CCDC192: variants seen among roughly 807,000 people sequenced by gnomAD.
The protein encoded by CCDC192 is coiled-coil domain-containing protein 192.
intron 6 of CCDC192, among the ~76,000 whole-genome samples, chr5:127,893,263 C>T (rs1752782597): frequency 6.6e-6 from 1 of 152,180 alleles, no homozygotes; most frequent in Non-Finnish European, 1.5e-5. Context: ...GATCCCAGCT[C>T]AGTCACTCAG....
chr5:127,793,765 A>G (rs1424528073), intron 3 of CCDC192, among the ~76,000 whole-genome samples: 1 of 152,216 alleles, frequency 6.6e-6, no homozygotes, highest in Non-Finnish European at 1.5e-5. Flanking sequence ...TACCAAATAT[A>G]TGTTAGTTTC....
chr5:127,917,978 A>G (rs1459074637), intron 6 of CCDC192, among the ~76,000 whole-genome samples: 1 of 152,024 alleles, frequency 6.6e-6, no homozygotes, highest in Admixed American at 6.6e-5. Flanking sequence ...CGTCTCTACA[A>G]AATAAAATTA....
intron 5 of CCDC192, among the ~76,000 whole-genome samples, chr5:127,830,795 C>A (rs1214568347): frequency 6.6e-6 from 1 of 151,010 alleles, no homozygotes; most frequent in Non-Finnish European, 1.5e-5. Context: ...TTTCCTTCTA[C>A]CCCTGTGACT....
chr5:127,812,667 G>A (rs1425631077), intron 5 of CCDC192, among the ~76,000 whole-genome samples: 1 of 152,172 alleles, frequency 6.6e-6, no homozygotes, highest in Non-Finnish European at 1.5e-5. Flanking sequence ...CTGTGCACGA[G>A]GAGAGCATGT....
At chr5:127,783,211 G>A (rs2126937319) in intron 3 of CCDC192, among the ~76,000 whole-genome samples, 1 of 152,128 alleles carries the variant, frequency 6.6e-6, no homozygotes, top group African/African-American at 2.4e-5. Flanking sequence ...GGCAAGGATG[G>A]TCTCGAACTC....
rs370935660 is a variant in CCDC192 at position 127,770,731 on chromosome 5, A to G, written c.222+16356A>G. Among the ~76,000 whole-genome samples, 9 of 152,358 alleles carry G rather than the reference A, an allele frequency of 5.9e-5. No individual in the cohort carries two copies. The East Asian group carries it at 1.2e-3, about 20-fold the overall frequency. On this transcript the variant is annotated intron_variant, in intron 3 of 6. Coordinates refer to ENST00000514853, the MANE Select transcript of CCDC192 (RefSeq NM_001317938.2). ...ATGTAGAGCTAAAGGCAGTAACGATATAATTTTGGCTTGTTTCCTTTTGAG... is the reference window on the plus strand; with the variant it reads ...ATGTAGAGCTAAAGGCAGTAACGATGTAATTTTGGCTTGTTTCCTTTTGAG...
chr5:127,704,278 TC>T (rs1266698639), intron 1 of CCDC192, among the ~76,000 whole-genome samples: 5 of 91,280 alleles, frequency 5.5e-5, no homozygotes, highest in African/African-American at 1.3e-4. Flanking sequence ...AACTTCTGCC[TC>T]CCGGGTTCAA....
At chr5:127,737,199 T>C (rs1351409266) in intron 2 of CCDC192, among the ~76,000 whole-genome samples, 1 of 152,124 alleles carries the variant, frequency 6.6e-6, no homozygotes. Context: ...CCAGTAGTCA[T>C]TCAGGAGCAG....
intron 5 of CCDC192, among the ~76,000 whole-genome samples, chr5:127,868,583 A>G (rs1034561009): frequency 6.6e-6 from 1 of 152,154 alleles, no homozygotes; most frequent in Non-Finnish European, 1.5e-5. Flanking sequence ...AAATAGATTT[A>G]TAGAATCTGA....
chr5:127,814,216 C>T (rs1228178253), intron 5 of CCDC192, among the ~76,000 whole-genome samples: 3 of 152,122 alleles, frequency 2.0e-5, no homozygotes, highest in Non-Finnish European at 4.4e-5. Context: ...AACAGTGAGA[C>T]TAGAAGTTCA....
At chr5:127,812,607 A>G (rs184316509) in intron 5 of CCDC192, among the ~76,000 whole-genome samples, 1 of 152,230 alleles carries the variant, frequency 6.6e-6, no homozygotes, top group East Asian at 1.9e-4. Flanking sequence ...ACTGTCTTCA[A>G]AAAAAATACA....
Position 127,857,989 on chromosome 5 carries a change from C to T in CCDC192, c.412-17549C>T, listed in dbSNP as rs74424382. ...GGCCAATTTGACACATAAAGTTAACCGTCATGCAGGGTGACAGCTCTAAGT... is the reference window on the plus strand; with the variant it reads ...GGCCAATTTGACACATAAAGTTAACTGTCATGCAGGGTGACAGCTCTAAGT... On this transcript the variant is annotated intron_variant, in intron 5 of 6. Coordinates refer to ENST00000514853, the MANE Select transcript of CCDC192 (RefSeq NM_001317938.2). 5.8e-4 allele frequency among the ~76,000 whole-genome samples: 88 copies of T among 152,248 alleles called. 1 individual carries two copies. In the East Asian group the frequency reaches 0.012, roughly 21 times the overall value.
chr5:127,933,257 G>A (rs1283055166), intron 6 of CCDC192, among the ~76,000 whole-genome samples: 3 of 152,234 alleles, frequency 2.0e-5, no homozygotes, highest in South Asian at 4.1e-4. Flanking sequence ...CTGGAGGATT[G>A]TAGGCGAGAG....
intron 5 of CCDC192, among the ~76,000 whole-genome samples, chr5:127,814,368 A>G (rs889181807): frequency 3.3e-5 from 5 of 152,314 alleles, no homozygotes; most frequent in Admixed American, 1.3e-4. Context: ...TTCCCCCTCA[A>G]TGCTCTTTCC....
At chr5:127,807,346 A>T (rs2126992044) in intron 5 of CCDC192, among the ~76,000 whole-genome samples, 1 of 152,252 alleles carries the variant, frequency 6.6e-6, no homozygotes, top group East Asian at 1.9e-4. Flanking sequence ...TTCTGAAGAG[A>T]ATCCTGTCAT....
At chr5:127,765,779 C>T (rs949110582) in intron 3 of CCDC192, among the ~76,000 whole-genome samples, 2 of 152,192 alleles carry the variant, frequency 1.3e-5, no homozygotes, top group Non-Finnish European at 2.9e-5. Flanking sequence ...TTTGGTCACT[C>T]TATCACTGAA....
chr5:127,755,448 T>C (rs1754521213), intron 3 of CCDC192, among the ~76,000 whole-genome samples: 1 of 152,156 alleles, frequency 6.6e-6, no homozygotes, highest in Admixed American at 6.5e-5. Flanking sequence ...GGCATGTATT[T>C]ATTGTTTACT....
chr5:127,904,261 C>A (rs1404703210), intron 6 of CCDC192, among the ~76,000 whole-genome samples: 1 of 152,166 alleles, frequency 6.6e-6, no homozygotes, highest in Admixed American at 6.5e-5. Context: ...CTTACTGTAA[C>A]CTTGATTTTA....
chr5:127,731,777 A>G (rs1561452287), intron 2 of CCDC192, among the ~76,000 whole-genome samples: 1 of 152,206 alleles, frequency 6.6e-6, no homozygotes, highest in Non-Finnish European at 1.5e-5. Context: ...CTGTTTAATA[A>G]ATGGTGCTGG....
Sources: allele counts gnomAD v4.1 joint callset (sites outside exome capture counted in the v4.1 genomes callset), GRCh38; gene constraint gnomAD v4.1.1; transcripts MANE v1.5; gene names NCBI Gene and HGNC (gene_info 2026-07-23, HGNC 2026-07-21).